ADH1C: variants seen among roughly 807,000 people sequenced by gnomAD.
ADH1C encodes the protein alcohol dehydrogenase 1C.
A neutral mutation model predicts 35.0 loss-of-function variants in ADH1C; 26 were observed. The observed-to-expected ratio is 0.74, with a 90% CI of 0.54 to 1.03. The LOEUF (loss-of-function observed/expected upper bound fraction) is 1.03, where lower values mean the gene tolerates loss of function less well. Ranked by LOEUF, ADH1C falls within the 50% of genes least tolerant of loss-of-function variation. The pLI is 0.00. For missense variants in ADH1C, 413 were observed against 465.4 expected (o/e 0.89, Z 1.04); for synonymous variants, 170 against 169.3 (o/e 1.00, Z -0.03).
intron 1 of ADH1C, 42 bp from the exon 2 acceptor site, chr4:99,347,888 G>A (rs17526590): frequency 0.096 from 153,882 of 1,605,524 alleles, 7,950 homozygotes; most frequent in Admixed American, 0.13. Flanking sequence ...GTTTTCCCAC[G>A]CTTGCAGTCA....
At chr4:99,340,989 T>C (rs1734402560) in intron 6 of ADH1C, among the ~76,000 whole-genome samples, 1 of 152,228 alleles carries the variant, frequency 6.6e-6, no homozygotes, top group African/African-American at 2.4e-5. Flanking sequence ...ATTACAAACA[T>C]ATATAAAGTC....
At position 99,343,008 on chromosome 4, in the gene ADH1C, G is replaced by A. The variant is rs561697999; in HGVS notation, c.615C>T (p.Gly205=). 2.5e-5 allele frequency: 41 copies of A among 1,614,150 alleles called. No individual in the cohort carries two copies. In the South Asian group the frequency reaches 4.4e-4, roughly 17 times the overall value. ...TCAVFGLGGV[G]LSVVMGCKAA... is the part of the protein sequence containing the mutation. ...CTTTACAGCCCATAACAACAGATAG[G>A]CCGACCCCTCCCAGGCCAAACACAG... The change falls in exon 6 of 9, where the codon GGC becomes GGT. Residue 205 remains glycine, a synonymous_variant. Coordinates refer to ENST00000515683, the MANE Select transcript of ADH1C (RefSeq NM_000669.5).
intron 1 of ADH1C, among the ~76,000 whole-genome samples, chr4:99,350,629 T>C (rs1301211735): frequency 1.3e-5 from 2 of 152,258 alleles, no homozygotes; most frequent in African/African-American, 2.4e-5. Flanking sequence ...ATTCTCTTTA[T>C]CCACTCGTTG....
At chr4:99,341,405 C>A (rs1734412493) in intron 6 of ADH1C, among the ~76,000 whole-genome samples, 1 of 152,132 alleles carries the variant, frequency 6.6e-6, no homozygotes, top group South Asian at 2.1e-4. Context: ...GGATTCTGAT[C>A]TTTGGGAGAC....
chr4:99,338,393 T>TTTTATATATA lies in ADH1C; in HGVS notation c.1103+1183_1103+1184insTATATATAAA, dbSNP rs1334509876. ...TAATTAACCTTTGATGAATACTGTT[T>TTTTATATATA]TCTATATATATATATATATATATAT... On this transcript the variant is annotated intron_variant, in intron 8 of 8. Coordinates refer to ENST00000515683, the MANE Select transcript of ADH1C (RefSeq NM_000669.5). Among the ~76,000 whole-genome samples the TTTTATATATA allele has an allele frequency of 2.1e-3, 153 of 73,064 alleles. 12 individuals carry two copies. Among genetic ancestry groups the TTTTATATATA allele is most frequent in the South Asian group, 5.4e-3 (8 of 1,480 alleles). 47.9% of individuals were successfully genotyped at this position (73,064 alleles called of 152,430 possible). A position where few individuals can be genotyped will look rare whatever the true frequency, so the allele number is the denominator to read the frequency against.
intron 6 of ADH1C, among the ~76,000 whole-genome samples, chr4:99,341,626 G>T (rs916189644): frequency 1.6e-4 from 24 of 152,300 alleles, no homozygotes; most frequent in African/African-American, 5.1e-4. Flanking sequence ...TCAGGGTGCT[G>T]CTCCCTGTTA....
intron 1 of ADH1C, among the ~76,000 whole-genome samples, chr4:99,352,055 A>G (rs1244380962): frequency 6.6e-6 from 1 of 152,190 alleles, no homozygotes; most frequent in Non-Finnish European, 1.5e-5. Context: ...TTGTGTCATA[A>G]TGGGCCCCCT....
intron 6 of ADH1C, among the ~76,000 whole-genome samples, chr4:99,341,021 A>G (rs772780056): frequency 2.1e-4 from 32 of 152,238 alleles, no homozygotes; most frequent in Non-Finnish European, 4.3e-4. Context: ...ACAAGTGTAC[A>G]TCATTCTTAG....
At chr4:99,347,291 C>G (rs1734559048) in intron 2 of ADH1C, 147 bp from the exon 3 acceptor site, 5 of 1,004,384 alleles carry the variant, frequency 5.0e-6, no homozygotes, top group Non-Finnish European at 7.1e-6. Flanking sequence ...ATGAAAGATT[C>G]AGTTTATCTC....
chr4:99,346,960 T>C lies in ADH1C; in HGVS notation c.259+46A>G, dbSNP rs375679943. The C allele has an allele frequency of 1.2e-3, 1,923 of 1,596,818 alleles. 4 individuals carry two copies. Among genetic ancestry groups the C allele is most frequent in the South Asian group, 2.1e-3 (185 of 87,932 alleles). ...GTTTCCTCATCCAGGCTGACTAATCTTGTGATGGTGAACCAAGGCATGTTC... is the reference window on the plus strand; with the variant it reads ...GTTTCCTCATCCAGGCTGACTAATCCTGTGATGGTGAACCAAGGCATGTTC... On this transcript the variant is annotated intron_variant, in intron 3 of 8. Transcript: ENST00000515683.
chr4:99,340,641 G>T lies in ADH1C; in HGVS notation c.898C>A (p.Gln300Lys), dbSNP rs1270557545. 5 of 1,613,730 alleles carry T rather than the reference G, an allele frequency of 3.1e-6. No individual in the cohort carries two copies. The highest frequency in any genetic ancestry group is 4.2e-6 in the Non-Finnish European group (5 of 1,180,004). The change falls in exon 7 of 9, where the codon CAG (glutamine) becomes AAG (lysine). Residue 300 changes from glutamine (Q) to lysine (K), a missense_variant. Coordinates refer to ENST00000515683, the MANE Select transcript of ADH1C (RefSeq NM_000669.5). The part of the protein sequence containing the change: ...SVIVGVPPDS[Q>K]NLSINPMLLL... Reference sequence around the variant, plus strand: ...AGCATAGGGTTTATTGAGAGGTTCTGGGAATCAGGAGGTACCCCTACAATG... The same window carrying T: ...AGCATAGGGTTTATTGAGAGGTTCTTGGAATCAGGAGGTACCCCTACAATG...
intron 8 of ADH1C, among the ~76,000 whole-genome samples, chr4:99,337,067 A>C (rs1391088): frequency 0.93 from 142,059 of 152,264 alleles, 66,315 homozygotes; most frequent in East Asian, 1. Flanking sequence ...GGCGTGCCCA[A>C]GTTCCTGGTA....
At chr4:99,345,328 T>C (rs899019824) in intron 3 of ADH1C, 62 bp from the exon 4 acceptor site, 3 of 1,468,126 alleles carry the variant, frequency 2.0e-6, no homozygotes, top group Admixed American at 3.9e-5. Flanking sequence ...GAGCAAAAAC[T>C]TAACGCTCAC....
chr4:99,339,424 C>T (rs1734359508), intron 8 of ADH1C, among the ~76,000 whole-genome samples, 153 bp downstream of exon 8: 1 of 151,988 alleles, frequency 6.6e-6, no homozygotes, highest in African/African-American at 2.4e-5. Context: ...CTTACATGTG[C>T]TCCATGCAAA....
At chr4:99,352,488 C>T (rs1047748566) in intron 1 of ADH1C, among the ~76,000 whole-genome samples, 170 bp downstream of exon 1, 5 of 151,970 alleles carry the variant, frequency 3.3e-5, no homozygotes, top group African/African-American at 1.2e-4. Context: ...GCATATATTG[C>T]ATATCATATT....
intron 8 of ADH1C, 52 bp downstream of exon 8, chr4:99,339,525 C>T: frequency 6.2e-6 from 8 of 1,281,806 alleles, no homozygotes; most frequent in South Asian, 1.5e-5. Context: ...CCCCCCCCCC[C>T]CGCCGCTACT....
rs375338136 is a variant in ADH1C, at chr4:99,352,607, T to C, written c.18+51A>G. Reference sequence around the variant, plus strand: ...CATTATTAATACTGTATTCCTTTATTTGTTATATTGAAGAGAATATATTAT... The same window carrying C: ...CATTATTAATACTGTATTCCTTTATCTGTTATATTGAAGAGAATATATTAT... On this transcript the variant is annotated intron_variant, in intron 1 of 8. Transcript: ENST00000515683. The C allele has an allele frequency of 2.2e-4, 330 of 1,476,780 alleles. 1 individual carries two copies. The highest frequency in any genetic ancestry group is 5.6e-4 in the Admixed American group (33 of 59,428). The allele number at this position is 1,476,780 out of a possible 1,614,324, so 91.5% of individuals were successfully genotyped here. A position where few individuals can be genotyped will look rare whatever the true frequency, so the allele number is the denominator to read the frequency against.
At chr4:99,349,435 A>C (rs1378265365) in intron 1 of ADH1C, among the ~76,000 whole-genome samples, 3 of 152,134 alleles carry the variant, frequency 2.0e-5, no homozygotes. Context: ...ACTGTCCTGA[A>C]GACAACTGTT....
chr4:99,340,488 T>C, intron 7 of ADH1C, 87 bp downstream of exon 7: 5 of 1,437,098 alleles, frequency 3.5e-6, no homozygotes, highest in South Asian at 1.3e-5. Context: ...TTAATTTCAT[T>C]GCTTTTCAAA....
Sources: gnomAD v4.1 joint callset for allele counts (sites outside exome capture counted in the v4.1 genomes callset) on GRCh38, gnomAD v4.1.1 for gene constraint, MANE v1.5 for transcripts, NCBI Gene and HGNC (gene_info 2026-07-23, HGNC 2026-07-21) for gene names.